Variants in ZNRF1 observed in about 807,000 individuals in gnomAD.
The protein encoded by ZNRF1 is zinc and ring finger 1.
Under a neutral mutation model 18.4 loss-of-function variants are expected in ZNRF1, and 3 were observed. That is an observed-to-expected ratio of 0.16 (90% CI 0.07 to 0.42). The LOEUF is 0.42. ZNRF1 is among the 10% of genes least tolerant of loss of function. The pLI, the probability that ZNRF1 is intolerant of heterozygous loss-of-function variation, is 0.99. For missense variants in ZNRF1, 310 were observed against 329.8 expected (o/e 0.94, Z 0.47); for synonymous variants, 157 against 144.2 (o/e 1.09, Z -0.64).
chr16:75,030,201 A>T (rs1391818483), intron 1 of ZNRF1, among the ~76,000 whole-genome samples: 1 of 152,198 alleles, frequency 6.6e-6, no homozygotes, highest in Non-Finnish European at 1.5e-5. Context: ...TACTCATGAC[A>T]GTACAGAAAT....
chr16:75,029,732 G>T (rs1362889737), intron 1 of ZNRF1, among the ~76,000 whole-genome samples: 1 of 151,752 alleles, frequency 6.6e-6, no homozygotes, highest in African/African-American at 2.4e-5. Flanking sequence ...TCATGCCACT[G>T]CACTCTAGCC....
rs888388972 is a variant in ZNRF1, at chr16:74,999,091, C to CG, written c.-577dup. On this transcript the variant is annotated 5_prime_UTR_variant, in exon 1 of 5. Transcript: ENST00000335325. ...GGACCGAGCGGGGCGGCGCGGCTGG[C>CG]GGGGCCGGCGGCGGCTGAAGCGAGA... is the stretch of plus-strand genomic sequence containing the variant. 3 of 148,860 alleles carry CG rather than the reference C, an allele frequency of 2.0e-5. No homozygotes were observed. The highest frequency in any genetic ancestry group is 7.3e-5 in the African/African-American group (3 of 41,050). 9.2% of individuals were successfully genotyped at this position (148,860 alleles called of 1,614,324 possible). A position where few individuals can be genotyped will look rare whatever the true frequency, so the allele number is the denominator to read the frequency against.
At chr16:75,080,789 G>T (rs1419841798) in intron 1 of ZNRF1, among the ~76,000 whole-genome samples, 1 of 152,122 alleles carries the variant, frequency 6.6e-6, no homozygotes, top group Admixed American at 6.5e-5. Flanking sequence ...TAGGAGGATT[G>T]CTTGAGCCTG....
chr16:75,002,625 G>T (rs2034866303), intron 1 of ZNRF1, among the ~76,000 whole-genome samples: 1 of 152,340 alleles, frequency 6.6e-6, no homozygotes, highest in South Asian at 2.1e-4. Flanking sequence ...CCTGGTCCCA[G>T]CTACTCCTCT....
At chr16:75,011,637 G>T (rs1377320675) in intron 1 of ZNRF1, among the ~76,000 whole-genome samples, 1 of 152,164 alleles carries the variant, frequency 6.6e-6, no homozygotes, top group African/African-American at 2.4e-5. Flanking sequence ...AGCTATGACT[G>T]AAACATTCAT....
chr16:75,070,830 G>A (rs2035861410), intron 1 of ZNRF1, among the ~76,000 whole-genome samples: 1 of 152,178 alleles, frequency 6.6e-6, no homozygotes, highest in Non-Finnish European at 1.5e-5. Flanking sequence ...ATGTGTGGGA[G>A]CCGCCCATCT....
chr16:75,071,837 A>G (rs1189642526), intron 1 of ZNRF1, among the ~76,000 whole-genome samples: 1 of 151,484 alleles, frequency 6.6e-6, no homozygotes, highest in Non-Finnish European at 1.5e-5. Flanking sequence ...TCTCCCTGTC[A>G]CCCCGGGGCC....
chr16:75,090,476 T>G (rs1046492516), intron 1 of ZNRF1, among the ~76,000 whole-genome samples: 1 of 152,062 alleles, frequency 6.6e-6, no homozygotes. Flanking sequence ...CCGTGGCCTC[T>G]CAAAATGCTG....
chr16:75,020,154 T>G (rs1017762135), intron 1 of ZNRF1, among the ~76,000 whole-genome samples: 1 of 152,244 alleles, frequency 6.6e-6, no homozygotes, highest in Non-Finnish European at 1.5e-5. Flanking sequence ...CCTAGAGAAT[T>G]GTAGAGAGCA....
rs1464127876 is a variant in ZNRF1, at chr16:75,107,806, G to A, written c.*106G>A. ...AGAGCTGAGCTTGGGACACCAGCGG[G>A]AACAGGGCACCCCTTCTGCACTGAC... is the stretch of plus-strand genomic sequence containing the variant. On this transcript the variant is annotated 3_prime_UTR_variant, in exon 5 of 5. Transcript: ENST00000335325. The A allele has an allele frequency of 2.2e-6, 1 of 456,454 alleles. No homozygotes were observed. The highest frequency in any genetic ancestry group is 4.4e-6 in the Non-Finnish European group (1 of 226,786). The allele number at this position is 456,454 out of a possible 1,614,324, so 28.3% of individuals were successfully genotyped here.
At chr16:75,104,356 C>G (rs1267467219) in intron 2 of ZNRF1, 1 of 157,820 alleles carries the variant, frequency 6.3e-6, no homozygotes, top group Admixed American at 6.3e-5. Context: ...GGACCTGTTT[C>G]TTCCTCTCAT....
chr16:75,080,773 C>CT (rs2036000617), intron 1 of ZNRF1, among the ~76,000 whole-genome samples: 1 of 152,150 alleles, frequency 6.6e-6, no homozygotes, highest in African/African-American at 2.4e-5. Context: ...ACTTGAGGGG[C>CT]TGAGGTAGGA....
chr16:75,068,570 T>C (rs1417307636), intron 1 of ZNRF1, among the ~76,000 whole-genome samples: 1 of 151,934 alleles, frequency 6.6e-6, no homozygotes, highest in Non-Finnish European at 1.5e-5. Context: ...CAAATATTTG[T>C]CCAAAAAGCT....
intron 1 of ZNRF1, among the ~76,000 whole-genome samples, chr16:75,010,711 GTTTTTTTGT>G (rs2034987044): frequency 1.3e-5 from 1 of 74,324 alleles, no homozygotes. Flanking sequence ...GTTTTTTTTT[GTTTTTTTGT>G]TTTTTTTTTT....
At chr16:75,085,936 G>A (rs1238129366) in intron 1 of ZNRF1, among the ~76,000 whole-genome samples, 1 of 152,026 alleles carries the variant, frequency 6.6e-6, no homozygotes, top group Non-Finnish European at 1.5e-5. Context: ...GGGAAAACTC[G>A]TGGAGTATGT....
chr16:75,101,003 G>A (rs1281930603), intron 2 of ZNRF1, among the ~76,000 whole-genome samples: 2 of 152,168 alleles, frequency 1.3e-5, no homozygotes, highest in Non-Finnish European at 2.9e-5. Context: ...GCACAATCTT[G>A]GCTCACTGTA....
intron 1 of ZNRF1, among the ~76,000 whole-genome samples, chr16:75,019,999 C>T (rs1475858520): frequency 6.6e-6 from 1 of 152,228 alleles, no homozygotes; most frequent in Non-Finnish European, 1.5e-5. Flanking sequence ...GTGTGAGCCA[C>T]CGCGCCCAGC....
intron 1 of ZNRF1, among the ~76,000 whole-genome samples, chr16:75,028,811 C>G (rs1567470957): frequency 6.6e-6 from 1 of 152,182 alleles, no homozygotes; most frequent in South Asian, 2.1e-4. Flanking sequence ...TGCATTTTAC[C>G]CAGCTGGTCA....
At position 75,039,658 on chromosome 16, in the gene ZNRF1, AGC is replaced by A. The variant is rs2035417741; in HGVS notation, c.424+39564_424+39565del. On this transcript the variant is annotated intron_variant, in intron 1 of 4. Coordinates refer to ENST00000335325, the MANE Select transcript of ZNRF1 (RefSeq NM_032268.5). The stretch of plus-strand genomic sequence containing the variant: ...CTCTGTTTTTAATGACTGGTCCTGG[AGC>A]TTTTAGGAATGCAGATTTATGGGCC... Among the ~76,000 whole-genome samples, 3 of 152,302 alleles carry A rather than the reference AGC, an allele frequency of 2.0e-5. No individual in the cohort carries two copies. In the South Asian group the frequency reaches 6.2e-4, roughly 32 times the overall value.
Sources: gnomAD v4.1 joint callset for allele counts (sites outside exome capture counted in the v4.1 genomes callset) on GRCh38, gnomAD v4.1.1 for gene constraint, MANE v1.5 for transcripts, NCBI Gene and HGNC (gene_info 2026-07-23, HGNC 2026-07-21) for gene names.